ARSK: variants seen among roughly 807,000 people sequenced by gnomAD.
ARSK encodes the protein arylsulfatase family member K.
Under a neutral mutation model 53.2 loss-of-function variants are expected in ARSK, and 37 were observed. The observed-to-expected ratio is 0.70, with a 90% confidence interval of 0.54 to 0.92. The LOEUF (loss-of-function observed/expected upper bound fraction) is 0.92, where lower values mean the gene tolerates loss of function less well. ARSK is among the 40% of genes least tolerant of loss of function. The pLI, the probability that ARSK is intolerant of heterozygous loss-of-function variation, is 0.00. For synonymous variants in ARSK, 208 were observed against 223.2 expected, an observed-to-expected ratio of 0.93 and a Z score of 0.61; for missense variants, 613 against 643.0, an observed-to-expected ratio of 0.95 and a Z score of 0.51.
In ARSK at chr5:95,604,231, T is replaced by C. The variant is rs915751672; in HGVS notation, c.*705T>C. 1 of 152,166 alleles carries C rather than the reference T, an allele frequency of 6.6e-6. No homozygotes were observed. Among genetic ancestry groups the C allele is most frequent in the African/African-American group, 2.4e-5 (1 of 41,446 alleles). 9.4% of individuals were successfully genotyped at this position (152,166 alleles called of 1,614,324 possible). A position where few individuals can be genotyped will look rare whatever the true frequency, so the allele number is the denominator to read the frequency against. On this transcript the variant is annotated 3_prime_UTR_variant, in exon 8 of 8. Transcript: ENST00000380009. ...ATTGTTTGGATGTATTTAATGGGAGTATTTGGAGTATTTAACGGGATGTAA... is the reference window on the plus strand; with the variant it reads ...ATTGTTTGGATGTATTTAATGGGAGCATTTGGAGTATTTAACGGGATGTAA...
chr5:95,570,552 A>G (rs940953186), intron 3 of ARSK, among the ~76,000 whole-genome samples: 1 of 152,196 alleles, frequency 6.6e-6, no homozygotes, highest in Admixed American at 6.5e-5. Flanking sequence ...TTCTTGGGCA[A>G]GTTACCTGGC....
intron 6 of ARSK, among the ~76,000 whole-genome samples, chr5:95,598,528 C>G (rs1408720538): frequency 1.3e-5 from 2 of 152,136 alleles, no homozygotes; most frequent in African/African-American, 4.8e-5. Flanking sequence ...CCAAGTTCCC[C>G]TTATCTCTTG....
At chr5:95,574,640 C>A (rs1748891377) in intron 3 of ARSK, among the ~76,000 whole-genome samples, 1 of 152,130 alleles carries the variant, frequency 6.6e-6, no homozygotes, top group African/African-American at 2.4e-5. Flanking sequence ...CGTATGTCTT[C>A]TTTTAAGAAA....
intron 3 of ARSK, among the ~76,000 whole-genome samples, chr5:95,577,363 ATT>A (rs1748942005): frequency 6.6e-6 from 1 of 152,198 alleles, no homozygotes; most frequent in South Asian, 2.1e-4. Flanking sequence ...TAGCTAAAGT[ATT>A]TTATTACAGT....
intron 1 of ARSK, among the ~76,000 whole-genome samples, chr5:95,563,954 CATGAGGGAGGGCTATG>C (rs1280166157): frequency 6.7e-6 from 1 of 148,162 alleles, no homozygotes; most frequent in Non-Finnish European, 1.5e-5. Context: ...AAGAAATTCT[CATGAGGGAGGGCTATG>C]CACTTTTTTT....
At chr5:95,559,233 A>C (rs2112408727) in intron 1 of ARSK, among the ~76,000 whole-genome samples, 1 of 152,370 alleles carries the variant, frequency 6.6e-6, no homozygotes, top group South Asian at 2.1e-4. Context: ...TCCCTTAGGA[A>C]TATAAGAGCA....
chr5:95,602,848 G>A (rs574874800), intron 7 of ARSK, among the ~76,000 whole-genome samples: 96 of 152,256 alleles, frequency 6.3e-4, no homozygotes, highest in African/African-American at 2.3e-3. Flanking sequence ...TAAAGAATTT[G>A]TAGAAAGTTT....
intron 6 of ARSK, among the ~76,000 whole-genome samples, chr5:95,596,945 CT>C (rs1361773095): frequency 1.4e-4 from 21 of 151,924 alleles, no homozygotes; most frequent in African/African-American, 5.1e-4. Context: ...AATTCTATCA[CT>C]AGTGTGATAG....
intron 3 of ARSK, among the ~76,000 whole-genome samples, chr5:95,577,741 A>G (rs766984368): frequency 3.9e-5 from 6 of 152,274 alleles, no homozygotes; most frequent in Admixed American, 2.0e-4. Context: ...CCACACACAC[A>G]CATGCAAACA....
chr5:95,573,597 T>G (rs961074140), intron 3 of ARSK, among the ~76,000 whole-genome samples: 2 of 152,212 alleles, frequency 1.3e-5, no homozygotes, highest in Non-Finnish European at 2.9e-5. Flanking sequence ...TGCTGTGTTG[T>G]TTTTCCTAGC....
At chr5:95,597,966 A>C (rs189166168) in intron 6 of ARSK, among the ~76,000 whole-genome samples, 1 of 152,178 alleles carries the variant, frequency 6.6e-6, no homozygotes, top group Admixed American at 6.5e-5. Context: ...CATGGTGAAC[A>C]ATTAAATGTT....
chr5:95,601,601 A>G (rs539008461), intron 7 of ARSK, among the ~76,000 whole-genome samples: 1 of 152,290 alleles, frequency 6.6e-6, no homozygotes, highest in African/African-American at 2.4e-5. Context: ...TACAGCTTCT[A>G]AAAAATGTCT....
chr5:95,589,638 A>G (rs1054147614), intron 5 of ARSK, among the ~76,000 whole-genome samples: 24 of 152,186 alleles, frequency 1.6e-4, no homozygotes, highest in Admixed American at 1.6e-3. Flanking sequence ...GTAGTATTGC[A>G]TGGTGTAGAT....
At chr5:95,571,139 A>G (rs1748823723) in intron 3 of ARSK, among the ~76,000 whole-genome samples, 1 of 152,214 alleles carries the variant, frequency 6.6e-6, no homozygotes, top group African/African-American at 2.4e-5. Flanking sequence ...AGTTTCACAA[A>G]TTTCTCTTTA....
intron 1 of ARSK, among the ~76,000 whole-genome samples, chr5:95,560,898 A>G (rs921445460): frequency 1.4e-5 from 2 of 147,684 alleles, no homozygotes; most frequent in Non-Finnish European, 3.0e-5. Flanking sequence ...TCTGCCTCCC[A>G]GGTTCAAGCC....
At chr5:95,583,760 C>T (rs1183473131) in intron 4 of ARSK, among the ~76,000 whole-genome samples, 2 of 152,164 alleles carry the variant, frequency 1.3e-5, no homozygotes, top group African/African-American at 4.8e-5. Context: ...CATCATAAAA[C>T]TTATGATACA....
intron 6 of ARSK, among the ~76,000 whole-genome samples, chr5:95,597,523 C>T (rs1286800447): frequency 1.3e-5 from 2 of 152,122 alleles, no homozygotes; most frequent in Admixed American, 6.5e-5. Flanking sequence ...AAGTTCAAAC[C>T]CCTCTTTACT....
chr5:95,595,788 C>A (rs141449705), intron 6 of ARSK, among the ~76,000 whole-genome samples: 1 of 151,984 alleles, frequency 6.6e-6, no homozygotes, highest in Admixed American at 6.6e-5. Flanking sequence ...AAGTAATATA[C>A]CCAGGGAACA....
chr5:95,600,757 A>T, intron 6 of ARSK, 90 bp from the exon 7 acceptor site: 1 of 1,262,600 alleles, frequency 7.9e-7, no homozygotes, highest in Non-Finnish European at 1.1e-6. Flanking sequence ...ATTTAATGGT[A>T]TGAAAAAAAT....
Sources: gnomAD v4.1 joint callset for allele counts (sites outside exome capture counted in the v4.1 genomes callset) on GRCh38, gnomAD v4.1.1 for gene constraint, MANE v1.5 for transcripts, NCBI Gene and HGNC (gene_info 2026-07-23, HGNC 2026-07-21) for gene names.